The following GRIK1 variants were observed in gnomAD, a reference collection of about 807,000 sequenced individuals.
The protein encoded by GRIK1 is glutamate ionotropic receptor kainate type subunit 1.
In GRIK1, 69 loss-of-function variants were observed where a neutral mutation model predicts 105.7. The ratio of observed to expected loss-of-function variants is 0.65; its 90% CI spans 0.54 to 0.80. GRIK1 has a LOEUF of 0.80. Among genes scored for constraint, GRIK1 ranks in the 30% least tolerant of loss-of-function variants. The pLI is 0.00. For missense variants in GRIK1, 1,109 were observed against 1,167.3 expected, an observed-to-expected ratio of 0.95 and a Z score of 0.73; for synonymous variants, 438 against 431.3, an observed-to-expected ratio of 1.02 and a Z score of -0.19.
intron 1 of GRIK1, among the ~76,000 whole-genome samples, chr21:29,828,498 T>C (rs2067538274): frequency 2.0e-5 from 3 of 152,096 alleles, no homozygotes; most frequent in Admixed American, 1.3e-4. Context: ...TTTCCTTAGT[T>C]CTTTTTATTA....
At chr21:29,601,289 G>C (rs1238402391) in intron 7 of GRIK1, 4 of 483,374 alleles carry the variant, frequency 8.3e-6, no homozygotes, top group Admixed American at 2.0e-5. Flanking sequence ...GATGCTCTTC[G>C]TTCTCAGGCC....
At chr21:29,901,401 C>A (rs767597129) in intron 1 of GRIK1, among the ~76,000 whole-genome samples, 10 of 151,666 alleles carry the variant, frequency 6.6e-5, no homozygotes, top group African/African-American at 2.2e-4. Flanking sequence ...GGACTGCTAG[C>A]AAAACTAATG....
rs569984010 is a variant in GRIK1 at position 29,699,547 on chromosome 21, G to A, written c.119-5484C>T. Among the ~76,000 whole-genome samples the A allele has an allele frequency of 3.3e-5, 5 of 152,172 alleles. No individual in the cohort carries two copies. The South Asian group carries it at 1.0e-3, about 32-fold the overall frequency. On this transcript the variant is annotated intron_variant, in intron 1 of 17. Transcript: ENST00000327783. ...AGCCTCCAGAACTGAGAGAAATTAA[G>A]TGTCTGTTGTTTAAGCCACCCAGTC... is the stretch of plus-strand genomic sequence containing the variant.
Position 29,851,085 on chromosome 21 carries a change from C to T in GRIK1, c.118+88298G>A, listed in dbSNP as rs563219795. Among the ~76,000 whole-genome samples, 6 of 150,356 alleles carry T rather than the reference C, an allele frequency of 4.0e-5. No individual in the cohort carries two copies. The South Asian group carries it at 1.3e-3, about 32-fold the overall frequency. On this transcript the variant is annotated intron_variant, in intron 1 of 17. Coordinates refer to ENST00000327783, the MANE Select transcript of GRIK1 (RefSeq NM_001330994.2). ...TTTTTTTTTTCTTGAGATGGAGTCT[C>T]TCTCTGTTGCCCAGACTGGAGTACA...
chr21:29,586,297 G>A (rs2091129806), intron 12 of GRIK1, among the ~76,000 whole-genome samples: 2 of 152,196 alleles, frequency 1.3e-5, no homozygotes, highest in Non-Finnish European at 2.9e-5. Flanking sequence ...GAGAGCACAT[G>A]TTGATTCAGT....
chr21:29,795,114 C>A (rs1046978593), intron 1 of GRIK1, among the ~76,000 whole-genome samples: 3 of 141,136 alleles, frequency 2.1e-5, no homozygotes. Context: ...TGGCTCACTG[C>A]AACCTCTGCC....
chr21:29,737,076 C>G (rs913947438), intron 1 of GRIK1, among the ~76,000 whole-genome samples: 4 of 152,084 alleles, frequency 2.6e-5, no homozygotes, highest in Non-Finnish European at 5.9e-5. Flanking sequence ...TAGATGTATT[C>G]TCCATTTATG....
At chr21:29,600,682 C>A (rs2061501741) in intron 7 of GRIK1, among the ~76,000 whole-genome samples, 1 of 152,192 alleles carries the variant, frequency 6.6e-6, no homozygotes, top group Non-Finnish European at 1.5e-5. Context: ...ATTTTCCATA[C>A]CTCTAGGGCT....
At chr21:29,880,185 T>C (rs1410612117) in intron 1 of GRIK1, among the ~76,000 whole-genome samples, 1 of 152,180 alleles carries the variant, frequency 6.6e-6, no homozygotes, top group Non-Finnish European at 1.5e-5. Flanking sequence ...GTCTATATTA[T>C]TCAGTGTACC....
At chr21:29,722,681 C>T (rs947843938) in intron 1 of GRIK1, among the ~76,000 whole-genome samples, 3 of 150,586 alleles carry the variant, frequency 2.0e-5, no homozygotes, top group Admixed American at 6.6e-5. Context: ...AATGAAAATA[C>T]GTGCTGTAAC....
At chr21:29,622,793 C>T (rs1315561526) in intron 7 of GRIK1, among the ~76,000 whole-genome samples, 6 of 152,200 alleles carry the variant, frequency 3.9e-5, no homozygotes. Flanking sequence ...AGGTCACTTG[C>T]ACAAGATTCC....
chr21:29,764,417 A>G (rs1601633420), intron 1 of GRIK1, among the ~76,000 whole-genome samples: 1 of 152,340 alleles, frequency 6.6e-6, no homozygotes, highest in Admixed American at 6.5e-5. Flanking sequence ...AGGCAGAGTT[A>G]ATTAGTGTTA....
intron 1 of GRIK1, among the ~76,000 whole-genome samples, chr21:29,902,067 G>A (rs1297552738): frequency 6.6e-6 from 1 of 152,192 alleles, no homozygotes; most frequent in Non-Finnish European, 1.5e-5. Flanking sequence ...CTCAATAGAT[G>A]CAGAAAAAGC....
rs573930528 is a variant in GRIK1 at position 29,792,437 on chromosome 21, A to T, written c.119-98374T>A. Among the ~76,000 whole-genome samples the T allele has an allele frequency of 2.0e-5, 3 of 152,302 alleles. No individual in the cohort carries two copies. The South Asian group carries it at 6.2e-4, about 32-fold the overall frequency. ...GAAGGTGCATTTACTCTCTCAGGGC[A>T]CTGGTTTGCCATTCCCATCGTTATG... On this transcript the variant is annotated intron_variant, in intron 1 of 17. Coordinates refer to ENST00000327783, the MANE Select transcript of GRIK1 (RefSeq NM_001330994.2).
chr21:29,668,708 T>C (rs1346514530), intron 4 of GRIK1, among the ~76,000 whole-genome samples: 1 of 152,222 alleles, frequency 6.6e-6, no homozygotes, highest in Non-Finnish European at 1.5e-5. Context: ...TAGGTACAAG[T>C]TGAGAATTCC....
chr21:29,846,783 T>C (rs1378494678), intron 1 of GRIK1, among the ~76,000 whole-genome samples: 4 of 152,334 alleles, frequency 2.6e-5, no homozygotes, highest in African/African-American at 9.6e-5. Flanking sequence ...AAATATTCTT[T>C]ATAGTTTTTG....
chr21:29,652,170 A>G (rs1011208823), intron 5 of GRIK1, among the ~76,000 whole-genome samples: 2 of 152,200 alleles, frequency 1.3e-5, no homozygotes, highest in South Asian at 2.1e-4. Flanking sequence ...TTTATTTTAC[A>G]GATGAAGAAA....
intron 3 of GRIK1, among the ~76,000 whole-genome samples, chr21:29,683,538 A>G (rs1002421768): frequency 6.6e-6 from 1 of 152,174 alleles, no homozygotes; most frequent in African/African-American, 2.4e-5. Context: ...AAAACCAAAT[A>G]CCCATGATCT....
chr21:29,843,017 T>C (rs2068022348), intron 1 of GRIK1, among the ~76,000 whole-genome samples: 1 of 152,226 alleles, frequency 6.6e-6, no homozygotes, highest in African/African-American at 2.4e-5. Flanking sequence ...TTGTTTACCT[T>C]CTTTTTTTTC....
Sources: gnomAD v4.1 joint callset for allele counts (sites outside exome capture counted in the v4.1 genomes callset) on GRCh38, gnomAD v4.1.1 for gene constraint, MANE v1.5 for transcripts, NCBI Gene and HGNC (gene_info 2026-07-23, HGNC 2026-07-21) for gene names.